MAN1C1: variants seen among roughly 807,000 people sequenced by gnomAD.
The protein encoded by MAN1C1 is mannosyl-oligosaccharide 1,2-alpha-mannosidase IC.
MAN1C1 carries 49 observed loss-of-function variants against 71.5 expected under a neutral mutation model. The observed-to-expected ratio is 0.69, with a 90% CI of 0.54 to 0.87. MAN1C1 has a LOEUF of 0.87. Among genes scored for constraint, MAN1C1 ranks in the 40% least tolerant of loss-of-function variants. The pLI is 0.00. For missense variants in MAN1C1, 743 were observed against 835.0 expected (o/e 0.89, Z 1.36); for synonymous variants, 352 against 343.7 (o/e 1.02, Z -0.27).
chr1:25,638,385 A>C (rs114904814), intron 1 of MAN1C1, among the ~76,000 whole-genome samples: 3,021 of 152,286 alleles, frequency 0.02, 105 homozygotes, highest in African/African-American at 0.068. Context: ...CTCACAATAC[A>C]TTGGTATTAT....
chr1:25,671,694 G>A (rs1038102603), intron 1 of MAN1C1, among the ~76,000 whole-genome samples: 6 of 152,204 alleles, frequency 3.9e-5, no homozygotes, highest in Admixed American at 2.0e-4. Flanking sequence ...TACGAAGGCC[G>A]TGAGGTAGTG....
intron 2 of MAN1C1, among the ~76,000 whole-genome samples, chr1:25,732,752 G>C (rs1404644776): frequency 6.6e-6 from 1 of 152,150 alleles, no homozygotes; most frequent in Non-Finnish European, 1.5e-5. Context: ...CAACTACAAA[G>C]ACCCTCCCTG....
chr1:25,726,272 G>A (rs1326676079), intron 2 of MAN1C1, among the ~76,000 whole-genome samples: 1 of 152,118 alleles, frequency 6.6e-6, no homozygotes, highest in African/African-American at 2.4e-5. Flanking sequence ...CACGACCACG[G>A]TCTCCAGGGC....
intron 7 of MAN1C1, among the ~76,000 whole-genome samples, chr1:25,767,151 TAC>T (rs368029140): frequency 2.1e-4 from 31 of 146,320 alleles, no homozygotes; most frequent in African/African-American, 3.9e-4. Context: ...ACCACACTCG[TAC>T]ACACACACAC....
chr1:25,667,003 C>T (rs1262603263), intron 1 of MAN1C1, among the ~76,000 whole-genome samples: 4 of 152,178 alleles, frequency 2.6e-5, no homozygotes, highest in Non-Finnish European at 2.9e-5. Context: ...AGCAGGAAGT[C>T]CCAGTTCTGG....
chr1:25,714,326 A>G (rs1442651573), intron 2 of MAN1C1, among the ~76,000 whole-genome samples: 1 of 152,192 alleles, frequency 6.6e-6, no homozygotes, highest in Non-Finnish European at 1.5e-5. Flanking sequence ...CTTCAAAAAT[A>G]AAAAAGAATA....
At chr1:25,709,191 T>G (rs1440156005) in intron 2 of MAN1C1, among the ~76,000 whole-genome samples, 4 of 152,140 alleles carry the variant, frequency 2.6e-5, no homozygotes, top group Non-Finnish European at 5.9e-5. Flanking sequence ...ACGGCTGTCC[T>G]CCATGCCTTG....
chr1:25,670,011 C>A (rs868306971), intron 1 of MAN1C1, among the ~76,000 whole-genome samples: 1 of 152,244 alleles, frequency 6.6e-6, no homozygotes, highest in Non-Finnish European at 1.5e-5. Flanking sequence ...GATGGTTTCA[C>A]ATGATTCTAA....
At chr1:25,688,490 G>T (rs926377541) in intron 2 of MAN1C1, among the ~76,000 whole-genome samples, 14 of 152,214 alleles carry the variant, frequency 9.2e-5, no homozygotes, top group African/African-American at 2.9e-4. Flanking sequence ...CACAGCATGG[G>T]CGCAGCTATT....
At chr1:25,641,206 T>C (rs2124760242) in intron 1 of MAN1C1, among the ~76,000 whole-genome samples, 1 of 152,326 alleles carries the variant, frequency 6.6e-6, no homozygotes, top group South Asian at 2.1e-4. Flanking sequence ...CCACACATCC[T>C]CTTAAGAGTT....
chr1:25,780,833 T>A (rs959211901), intron 9 of MAN1C1, 107 bp from the exon 10 acceptor site: 2 of 1,229,116 alleles, frequency 1.6e-6, no homozygotes, highest in African/African-American at 3.0e-5. Context: ...CACACACACC[T>A]GACATCACCC....
At chr1:25,655,159 A>C (rs1312271211) in intron 1 of MAN1C1, among the ~76,000 whole-genome samples, 1 of 152,180 alleles carries the variant, frequency 6.6e-6, no homozygotes, top group Admixed American at 6.5e-5. Context: ...ATCCGGACTA[A>C]GTAAGGAATT....
At chr1:25,686,903 T>C (rs1382186785) in intron 2 of MAN1C1, among the ~76,000 whole-genome samples, 2 of 151,972 alleles carry the variant, frequency 1.3e-5, no homozygotes, top group Non-Finnish European at 2.9e-5. Flanking sequence ...TCCTCTGGAG[T>C]GTGGCTGTGA....
At chr1:25,723,422 C>T (rs2046792913) in intron 2 of MAN1C1, among the ~76,000 whole-genome samples, 1 of 152,208 alleles carries the variant, frequency 6.6e-6, no homozygotes, top group Admixed American at 6.5e-5. Context: ...TTTTCTAGCA[C>T]AAACCTGAGT....
chr1:25,771,726 G>T lies in MAN1C1; in HGVS notation c.1211G>T (p.Gly404Val). ...EYLIKSWLMS[G>V]KTDMEAKNMY... ...TTGATCAAATCCTGGTTGATGTCGG[G>T]CAAGACAGATATGGAGGCTAAAAAT... is the stretch of plus-strand genomic sequence containing the variant. The change falls in exon 8 of 12, where the codon GGC (glycine) becomes GTC (valine). Residue 404 changes from glycine (G) to valine (V), a missense_variant. Physicochemically the swap from Gly to Val is moderately radical, Grantham distance 109. Coordinates refer to ENST00000374332, the MANE Select transcript of MAN1C1 (RefSeq NM_020379.4). 2.5e-6 allele frequency: 4 copies of T among 1,614,154 alleles called. No individual in the cohort carries two copies. The highest frequency in any genetic ancestry group is 1.1e-5 in the South Asian group (1 of 91,086).
In MAN1C1 at chr1:25,769,390, T is replaced by TACACAC. The variant is rs71004538; in HGVS notation, c.1142-2253_1142-2248dup. On this transcript the variant is annotated intron_variant, in intron 7 of 11. Coordinates refer to ENST00000374332, the MANE Select transcript of MAN1C1 (RefSeq NM_020379.4). The surrounding 1 kb of genome is among the most constrained non-coding windows in gnomAD (Gnocchi z 4.8). ...ACTCACCCCACACCCCATACATACATACACACACACACACACACAAGCTGT... is the reference window on the plus strand; with the variant it reads ...ACTCACCCCACACCCCATACATACATACACACACACACACACACACACACAAGCTGT... Among the ~76,000 whole-genome samples the TACACAC allele has an allele frequency of 4.7e-5, 7 of 148,550 alleles. No individual in the cohort carries two copies. Among genetic ancestry groups the TACACAC allele is most frequent in the African/African-American group, 1.7e-4 (7 of 40,396 alleles).
In MAN1C1 at chr1:25,617,927, C is replaced by T; in HGVS notation, c.130C>T (p.Pro44Ser). The change falls in exon 1 of 12, where the codon CCC becomes TCC. Residue 44 changes from proline (P) to serine (S), a missense_variant. By Grantham distance (74) the Pro-to-Ser change is moderately conservative. Transcript: ENST00000374332. This position sits in a 1 kb window ranked among gnomAD's most constrained non-coding sequence, Gnocchi z 5.1. ...GTGCTTCGGGGCCCTCTTCCTGCTG[C>T]CCCACTCCTCTCGCCTCAAGCGCCT... is the stretch of plus-strand genomic sequence containing the variant. Reference protein sequence around the residue: ...TLCFGALFLLPHSSRLKRLFL... With the variant: ...TLCFGALFLLSHSSRLKRLFL... The T allele has an allele frequency of 6.2e-7, 1 of 1,607,080 alleles. No individual in the cohort carries two copies. The highest frequency in any genetic ancestry group is 1.1e-5 in the South Asian group (1 of 90,122).
chr1:25,688,080 G>A (rs552504624), intron 2 of MAN1C1, among the ~76,000 whole-genome samples: 29 of 152,096 alleles, frequency 1.9e-4, no homozygotes, highest in Non-Finnish European at 3.8e-4. Context: ...GCTAATGTTG[G>A]GTAAAGATTG....
At chr1:25,691,777 CT>C (rs1389832895) in intron 2 of MAN1C1, among the ~76,000 whole-genome samples, 1 of 152,152 alleles carries the variant, frequency 6.6e-6, no homozygotes, top group African/African-American at 2.4e-5. Flanking sequence ...CCTCTCACAA[CT>C]TCATTTAAGC....
Sources: allele counts gnomAD v4.1 joint callset (sites outside exome capture counted in the v4.1 genomes callset), GRCh38; gene constraint gnomAD v4.1.1; non-coding constraint Gnocchi (gnomAD v3.1); transcripts MANE v1.5; gene names NCBI Gene and HGNC (gene_info 2026-07-23, HGNC 2026-07-21).